The following DSCAM variants were observed in gnomAD, a reference collection of about 807,000 sequenced individuals.
DSCAM encodes DS cell adhesion molecule, also known as cell adhesion molecule DSCAM.
A neutral mutation model predicts 217.7 loss-of-function variants in DSCAM; 47 were observed. That is an observed-to-expected ratio of 0.22 (90% CI 0.17 to 0.28). The LOEUF (loss-of-function observed/expected upper bound fraction) is 0.28. Ranked by LOEUF, DSCAM falls within the 10% of genes least tolerant of loss-of-function variation. The probability of loss-of-function intolerance (pLI) is 1.00; values close to 1 mark genes in which losing one functional copy is unlikely to be tolerated. For missense variants in DSCAM, 2,080 were observed against 2,618.3 expected (o/e 0.79, Z 4.49); for synonymous variants, 1,056 against 1,015.3 (o/e 1.04, Z -0.76).
chr21:40,330,729 T>C (rs926248496), intron 8 of DSCAM, among the ~76,000 whole-genome samples: 1 of 152,168 alleles, frequency 6.6e-6, no homozygotes, highest in Admixed American at 6.5e-5. Flanking sequence ...TATTGAAGCA[T>C]GAGTGCTTTC....
intron 3 of DSCAM, among the ~76,000 whole-genome samples, chr21:40,588,358 G>A (rs1166875150): frequency 6.6e-6 from 1 of 152,198 alleles, no homozygotes; most frequent in African/African-American, 2.4e-5. Context: ...CTTTGTGAAT[G>A]TCACATGGTT....
intron 1 of DSCAM, among the ~76,000 whole-genome samples, chr21:40,838,278 A>G (rs184732028): frequency 1.5e-3 from 229 of 152,362 alleles, no homozygotes; most frequent in African/African-American, 5.2e-3. Flanking sequence ...AGGAAGATTA[A>G]TCAATGGTAA....
chr21:40,315,895 A>C (rs1233253167), intron 8 of DSCAM, among the ~76,000 whole-genome samples: 2 of 149,084 alleles, frequency 1.3e-5, no homozygotes, highest in African/African-American at 2.6e-5. Flanking sequence ...CACAATTGGC[A>C]AGCAAAAGGA....
intron 32 of DSCAM, among the ~76,000 whole-genome samples, chr21:40,013,951 A>G (rs1401935713): frequency 3.3e-5 from 5 of 152,248 alleles, no homozygotes; most frequent in African/African-American, 1.2e-4. Context: ...CCTACCTGCT[A>G]ACTTCTGCGT....
chr21:40,718,583 T>C (rs1303734554), intron 1 of DSCAM, among the ~76,000 whole-genome samples: 1 of 152,114 alleles, frequency 6.6e-6, no homozygotes, highest in Non-Finnish European at 1.5e-5. Flanking sequence ...AGCACGGGAA[T>C]GACCTGCCCC....
chr21:40,033,603 G>C (rs539852586), intron 32 of DSCAM, among the ~76,000 whole-genome samples: 2 of 151,812 alleles, frequency 1.3e-5, no homozygotes, highest in South Asian at 4.1e-4. Context: ...GGGGGAGGGG[G>C]GCCCCCCATT....
At chr21:40,285,378 G>A (rs2073811859) in intron 10 of DSCAM, among the ~76,000 whole-genome samples, 1 of 152,202 alleles carries the variant, frequency 6.6e-6, no homozygotes, top group Non-Finnish European at 1.5e-5. Context: ...AGATGGAGGA[G>A]TGCTGAAAAA....
intron 3 of DSCAM, among the ~76,000 whole-genome samples, chr21:40,398,837 C>T (rs1420218227): frequency 6.6e-6 from 1 of 152,060 alleles, no homozygotes; most frequent in Non-Finnish European, 1.5e-5. Flanking sequence ...ATCTGCCCAC[C>T]TCTGCCTCCC....
At chr21:40,079,873 G>A (rs2089428505) in intron 25 of DSCAM, among the ~76,000 whole-genome samples, 1 of 152,104 alleles carries the variant, frequency 6.6e-6, no homozygotes, top group African/African-American at 2.4e-5. Flanking sequence ...ACGCTTCATG[G>A]CTGCCCAGCC....
At chr21:40,648,374 T>C (rs1294700256) in intron 3 of DSCAM, among the ~76,000 whole-genome samples, 1 of 152,032 alleles carries the variant, frequency 6.6e-6, no homozygotes, top group Non-Finnish European at 1.5e-5. Context: ...GGGTGATCTC[T>C]CGTTTGGGCA....
chr21:40,712,656 C>T (rs933157617), intron 1 of DSCAM, among the ~76,000 whole-genome samples: 12 of 152,218 alleles, frequency 7.9e-5, no homozygotes, highest in Middle Eastern at 3.4e-3. Context: ...ATTTTCCCAT[C>T]TCATAATTCA....
chr21:40,715,362 G>T (rs1374511190), intron 1 of DSCAM, among the ~76,000 whole-genome samples: 2 of 152,148 alleles, frequency 1.3e-5, no homozygotes, highest in Non-Finnish European at 2.9e-5. Flanking sequence ...CTCCATCACT[G>T]GCAGAAACCA....
At chr21:40,293,091 A>G (rs918619866) in intron 10 of DSCAM, among the ~76,000 whole-genome samples, 9 of 152,168 alleles carry the variant, frequency 5.9e-5, no homozygotes, top group African/African-American at 2.2e-4. Flanking sequence ...ATGACATTCA[A>G]CAATAGTGTT....
At chr21:40,109,678 G>A (rs1213811878) in intron 20 of DSCAM, among the ~76,000 whole-genome samples, 1 of 152,210 alleles carries the variant, frequency 6.6e-6, no homozygotes, top group African/African-American at 2.4e-5. Context: ...TTAAAGAAAG[G>A]GGTGACAGAC....
intron 3 of DSCAM, among the ~76,000 whole-genome samples, chr21:40,468,693 A>T (rs2075864498): frequency 6.6e-6 from 1 of 152,168 alleles, no homozygotes; most frequent in South Asian, 2.1e-4. Flanking sequence ...TAAGGGGTTT[A>T]TTCTCTGGCT....
chr21:40,080,468 T>C (rs1201091570), intron 24 of DSCAM, 128 bp from the exon 25 acceptor site: 2 of 812,810 alleles, frequency 2.5e-6, no homozygotes, highest in Non-Finnish European at 3.6e-6. Flanking sequence ...AGAAGGAACA[T>C]TTTCGCTCTT....
In DSCAM at chr21:40,744,614, C is replaced by T. The variant is rs78661060; in HGVS notation, c.44-35843G>A. 3.1e-3 allele frequency among the ~76,000 whole-genome samples: 468 copies of T among 152,242 alleles called. 1 individual carries two copies. The highest frequency in any genetic ancestry group is 4.6e-3 in the Non-Finnish European group (310 of 68,012). On this transcript the variant is annotated intron_variant, in intron 1 of 32. Coordinates refer to ENST00000400454, the MANE Select transcript of DSCAM (RefSeq NM_001389.5). ...CCTAGACTGGGAAACAATGGCAGGG[C>T]AGTGATTAAGTCCCAATATCAAGTA...
intron 25 of DSCAM, among the ~76,000 whole-genome samples, chr21:40,079,218 T>C (rs1344772595): frequency 1.3e-5 from 2 of 152,132 alleles, no homozygotes; most frequent in Non-Finnish European, 1.5e-5. Context: ...TATTTTGGGG[T>C]ATCTTAGAGT....
In DSCAM at chr21:40,360,039, G is replaced by T. The variant is rs184315211; in HGVS notation, c.656-6296C>A. 1.7e-3 allele frequency among the ~76,000 whole-genome samples: 255 copies of T among 146,844 alleles called. 2 individuals carry two copies. Among genetic ancestry groups the T allele is most frequent in the African/African-American group, 5.2e-3 (206 of 39,716 alleles). ...ATATAGGCGGTATATGTGCAGATTTGTTACATGGGAATATTACGTGATGCT... is the reference window on the plus strand; with the variant it reads ...ATATAGGCGGTATATGTGCAGATTTTTTACATGGGAATATTACGTGATGCT... On this transcript the variant is annotated intron_variant, in intron 4 of 32. Transcript: ENST00000400454.
Sources: gnomAD v4.1 joint callset for allele counts (sites outside exome capture counted in the v4.1 genomes callset) on GRCh38, gnomAD v4.1.1 for gene constraint, MANE v1.5 for transcripts, NCBI Gene and HGNC (gene_info 2026-07-23, HGNC 2026-07-21) for gene names.